Variants in PCNX4 observed in about 807,000 individuals in gnomAD.
PCNX4 encodes pecanex-like protein 4.
A neutral mutation model predicts 107.2 loss-of-function variants in PCNX4; 103 were observed. The observed-to-expected ratio is 0.96, with a 90% CI of 0.82 to 1.13. The LOEUF is 1.13. PCNX4 is among the 50% of genes most tolerant of loss of function. PCNX4 has a pLI of 0.00. For missense variants in PCNX4, 1,528 were observed against 1,379.4 expected, an observed-to-expected ratio of 1.11 and a Z score of -1.71; for synonymous variants, 541 against 481.7, an observed-to-expected ratio of 1.12 and a Z score of -1.61.
chr14:60,124,161 G>A, intron 8 of PCNX4, 57 bp from the exon 9 acceptor site: 1 of 1,327,778 alleles, frequency 7.5e-7, no homozygotes, highest in Non-Finnish European at 1.0e-6. Context: ...ATGACTAGTT[G>A]CTGTATATTA....
chr14:60,125,608 A>G, intron 9 of PCNX4, 29 bp from the exon 10 acceptor site: 1 of 1,395,816 alleles, frequency 7.2e-7, no homozygotes, highest in Non-Finnish European at 9.4e-7. Context: ...CAAATATTCT[A>G]AAATTCTTCG....
intron 10 of PCNX4, among the ~76,000 whole-genome samples, chr14:60,133,270 G>A (rs374360366): frequency 7.2e-5 from 11 of 152,116 alleles, no homozygotes; most frequent in East Asian, 1.9e-4. Context: ...AAAGGAATAC[G>A]GTACTGATAC....
At chr14:60,124,196 G>A in intron 8 of PCNX4, 22 bp from the exon 9 acceptor site, 1 of 1,500,002 alleles carries the variant, frequency 6.7e-7, no homozygotes, top group South Asian at 1.3e-5. Flanking sequence ...ATAAACTCAA[G>A]TACTTTTTAT....
chr14:60,092,814 C>G (rs865956883), intron 1 of PCNX4, among the ~76,000 whole-genome samples: 1 of 152,182 alleles, frequency 6.6e-6, no homozygotes, highest in African/African-American at 2.4e-5. Context: ...CGCTCCTTCC[C>G]CACTGATCTC....
chr14:60,125,401 G>T, intron 9 of PCNX4, 150 bp downstream of exon 9: 1 of 931,922 alleles, frequency 1.1e-6, no homozygotes, highest in Non-Finnish European at 1.5e-6. Context: ...TAGTGTGATT[G>T]TATCAAGGGT....
At position 60,108,274 on chromosome 14, in the gene PCNX4, T is replaced by C; in HGVS notation, c.636T>C (p.Pro212=). 1 of 1,612,430 alleles carries C rather than the reference T, an allele frequency of 6.2e-7. No individual in the cohort carries two copies. The highest frequency in any genetic ancestry group is 8.5e-7 in the Non-Finnish European group (1 of 1,179,742). ...CACAGGATACTTATGAAATTATTCCTCTTATGAGACCTCTTTATATTTTTT... is the reference window on the plus strand; with the variant it reads ...CACAGGATACTTATGAAATTATTCCCCTTATGAGACCTCTTTATATTTTTT... ...FQTQDTYEII[P]LMRPLYIFFF... The change falls in exon 2 of 11, where the codon CCT becomes CCC. Residue 212 remains proline (P), a synonymous_variant. Transcript: ENST00000406854.
In PCNX4 at chr14:60,111,972, A is replaced by G. The variant is rs539499826; in HGVS notation, c.690-2728A>G. On this transcript the variant is annotated intron_variant, in intron 2 of 10. Coordinates refer to ENST00000406854, the MANE Select transcript of PCNX4 (RefSeq NM_001330177.2). ...GTGTGATACTGCTGCCAAATGATGT[A>G]TGAAATGCATGGACTCTTCAAATTT... 3.9e-5 allele frequency among the ~76,000 whole-genome samples: 6 copies of G among 152,294 alleles called. No homozygotes were observed. The East Asian group carries it at 1.2e-3, about 29-fold the overall frequency.
Position 60,125,136 on chromosome 14 carries a change from G to C in PCNX4, c.2965G>C (p.Ala989Pro). ...TAGTTTATTTGGAATAGACAATATG[G>C]CTCCTAGTCCTGGTCATATATTGAG... ...YFSLFGIDNM[A>P]PSPGHILRVY... is the part of the protein sequence containing the mutation. Residue 989 changes from alanine to proline, a missense_variant, in exon 9 of 11, where the codon GCT becomes CCT. Coordinates refer to ENST00000406854, the MANE Select transcript of PCNX4 (RefSeq NM_001330177.2). The C allele has an allele frequency of 6.2e-7, 1 of 1,612,892 alleles. No individual in the cohort carries two copies. The highest frequency in any genetic ancestry group is 8.5e-7 in the Non-Finnish European group (1 of 1,179,312).
rs1324586372 is a variant in PCNX4 at position 60,136,466 on chromosome 14, C to T, written c.*2245C>T. On this transcript the variant is annotated 3_prime_UTR_variant, in exon 11 of 11. Coordinates refer to ENST00000406854, the MANE Select transcript of PCNX4 (RefSeq NM_001330177.2). The stretch of plus-strand genomic sequence containing the variant: ...ACCTAACCCAACCTCTCTTCTTACA[C>T]TGAACCTATATATATCACTTATTTG... 1 of 152,194 alleles carries T rather than the reference C, an allele frequency of 6.6e-6. No individual in the cohort carries two copies. The highest frequency in any genetic ancestry group is 2.4e-5 in the African/African-American group (1 of 41,432). 9.4% of individuals were successfully genotyped at this position (152,194 alleles called of 1,614,324 possible).
Position 60,108,350 on chromosome 14 carries a change from G to A in PCNX4, c.689+23G>A, listed in dbSNP as rs1406055787. 3 of 1,528,058 alleles carry A rather than the reference G, an allele frequency of 2.0e-6. No homozygotes were observed. The African/African-American group carries it at 4.2e-5, about 21-fold the overall frequency. The allele number at this position is 1,528,058 out of a possible 1,614,324, so 94.7% of individuals were successfully genotyped here. ...CAGGTAAAAACCTACCAAATACTTT[G>A]TAACTAACTTTGTTTTTAAGTATAC... On this transcript the variant is annotated intron_variant, in intron 2 of 10. Transcript: ENST00000406854.
At chr14:60,100,254 G>A (rs1895504483) in intron 1 of PCNX4, among the ~76,000 whole-genome samples, 1 of 151,794 alleles carries the variant, frequency 6.6e-6, no homozygotes, top group African/African-American at 2.4e-5. Context: ...CCATTTTTCT[G>A]CACACACACA....
At position 60,099,009 on chromosome 14, in the gene PCNX4, T is replaced by C. The variant is rs146980865; in HGVS notation, c.-54+6590T>C. Among the ~76,000 whole-genome samples, 946 of 152,210 alleles carry C rather than the reference T, an allele frequency of 6.2e-3. 12 individuals are homozygous for C. The highest frequency in any genetic ancestry group is 0.021 in the African/African-American group (881 of 41,542). On this transcript the variant is annotated intron_variant, in intron 1 of 10. Coordinates refer to ENST00000406854, the MANE Select transcript of PCNX4 (RefSeq NM_001330177.2). ...GTCTATCCATGGCATGGCATTCGGT[T>C]AAGATTCCATAGAGTATTTTCCGGA...
In PCNX4 at chr14:60,124,466, G is replaced by A. The variant is rs995152695; in HGVS notation, c.2295G>A (p.Val765=). The A allele has an allele frequency of 6.2e-7, 1 of 1,613,602 alleles. No individual in the cohort carries two copies. The highest frequency in any genetic ancestry group is 1.3e-5 in the African/African-American group (1 of 74,894). The change falls in exon 9 of 11, where the codon GTG becomes GTA. Residue 765 remains valine, a synonymous_variant. Coordinates refer to ENST00000406854, the MANE Select transcript of PCNX4 (RefSeq NM_001330177.2). ...EFKGDLIKVL[V]WILVQYCSKR... ...AAGGTGACCTCATTAAAGTACTTGT[G>A]TGGATACTTGTTCAATACTGCTCCA...
chr14:60,098,702 G>C (rs978719325), intron 1 of PCNX4, among the ~76,000 whole-genome samples: 10 of 152,130 alleles, frequency 6.6e-5, no homozygotes, highest in Admixed American at 6.5e-4. Context: ...ACTTTGGGAG[G>C]ATGAGGCGGG....
In PCNX4 at chr14:60,125,656, AT is replaced by A; in HGVS notation, c.3102del (p.Ile1034MetfsTer6). 6.5e-7 allele frequency: 1 copy of A among 1,537,564 alleles called. No individual in the cohort carries two copies. Among genetic ancestry groups the A allele is most frequent in the Non-Finnish European group, 8.7e-7 (1 of 1,145,324 alleles). Reference sequence around the variant, plus strand: ...TTTTAGGTATACTCTGAAACTAATGATTGATAAAGCAAGTTTAGGTCCAATA... The same window carrying A: ...TTTTAGGTATACTCTGAAACTAATGATGATAAAGCAAGTTTAGGTCCAATA... ...KAFRYTLKLM[I>X]DKASLGPIED... On this transcript the variant is annotated frameshift_variant, in exon 10 of 11. Coordinates refer to ENST00000406854, the MANE Select transcript of PCNX4 (RefSeq NM_001330177.2). LOFTEE classifies it high-confidence loss of function.
At chr14:60,105,399 T>G (rs1432950139) in intron 1 of PCNX4, among the ~76,000 whole-genome samples, 1 of 152,176 alleles carries the variant, frequency 6.6e-6, no homozygotes, top group Non-Finnish European at 1.5e-5. Flanking sequence ...GGTTGACAGT[T>G]CTGAAGGACA....
chr14:60,104,982 C>G (rs1895603459), intron 1 of PCNX4, among the ~76,000 whole-genome samples: 1 of 152,114 alleles, frequency 6.6e-6, no homozygotes, highest in African/African-American at 2.4e-5. Flanking sequence ...ATTCAAAATC[C>G]TTGAGACCAG....
Position 60,108,227 on chromosome 14 carries a change from A to G in PCNX4, c.589A>G (p.Thr197Ala), listed in dbSNP as rs1300484341. The change falls in exon 2 of 11, where the codon ACA becomes GCA. Residue 197 changes from threonine (T) to alanine (A), a missense_variant. Transcript: ENST00000406854. Reference protein sequence around the residue: ...AEYSLIVNTATETATFQTQDT... With the variant: ...AEYSLIVNTAAETATFQTQDT... The stretch of plus-strand genomic sequence containing the variant: ...ATATTCTTTAATTGTAAACACAGCT[A>G]CAGAGACTGCGACTTTCCAAACACA... The G allele has an allele frequency of 3.1e-6, 5 of 1,612,602 alleles. No individual in the cohort carries two copies. The highest frequency in any genetic ancestry group is 1.7e-5 in the Admixed American group (1 of 60,000).
chr14:60,118,086 TA>T (rs1895883757), intron 6 of PCNX4, among the ~76,000 whole-genome samples: 2 of 151,918 alleles, frequency 1.3e-5, no homozygotes, highest in Admixed American at 1.3e-4. Context: ...AAAGCATAGT[TA>T]GTACACTGTC....
Sources: gnomAD v4.1 joint callset for allele counts (sites outside exome capture counted in the v4.1 genomes callset) on GRCh38, gnomAD v4.1.1 for gene constraint, MANE v1.5 for transcripts, NCBI Gene and HGNC (gene_info 2026-07-23, HGNC 2026-07-21) for gene names.